The following CCDC85A variants were observed in gnomAD, a reference collection of about 807,000 sequenced individuals.
CCDC85A encodes coiled-coil domain-containing protein 85A.
A neutral mutation model predicts 50.2 loss-of-function variants in CCDC85A; 38 were observed. The ratio of observed to expected loss-of-function variants is 0.76; its 90% CI spans 0.58 to 0.99. The LOEUF (loss-of-function observed/expected upper bound fraction) is 0.99, where lower values mean the gene tolerates loss of function less well. CCDC85A is among the 50% of genes least tolerant of loss of function. The probability of loss-of-function intolerance (pLI) is 0.00; values close to 1 mark genes in which losing one functional copy is unlikely to be tolerated. For missense variants in CCDC85A, 820 were observed against 742.0 expected, an observed-to-expected ratio of 1.11 and a Z score of -1.22; for synonymous variants, 366 against 301.4, an observed-to-expected ratio of 1.21 and a Z score of -2.22.
At chr2:56,196,102 G>A (rs1676509455) in intron 2 of CCDC85A, among the ~76,000 whole-genome samples, 1 of 152,140 alleles carries the variant, frequency 6.6e-6, no homozygotes, top group Non-Finnish European at 1.5e-5. Context: ...TTTTGGGAAT[G>A]CAAAGATAAA....
At chr2:56,315,674 G>T (rs1287777131) in intron 2 of CCDC85A, among the ~76,000 whole-genome samples, 1 of 152,124 alleles carries the variant, frequency 6.6e-6, no homozygotes, top group East Asian at 1.9e-4. Context: ...GGCTGATTTA[G>T]TCAGTGGGGG....
intron 2 of CCDC85A, among the ~76,000 whole-genome samples, chr2:56,308,342 A>G (rs1444407132): frequency 6.6e-6 from 1 of 152,180 alleles, no homozygotes; most frequent in Non-Finnish European, 1.5e-5. Context: ...ACGTTCATCA[A>G]CAAATTTATC....
chr2:56,363,104 C>A (rs1265350753), intron 3 of CCDC85A, among the ~76,000 whole-genome samples: 1 of 152,094 alleles, frequency 6.6e-6, no homozygotes, highest in Admixed American at 6.6e-5. Context: ...TGTTTTCCAT[C>A]GTATTTTTTT....
At chr2:56,352,896 T>C (rs1212046266) in intron 3 of CCDC85A, among the ~76,000 whole-genome samples, 1 of 152,148 alleles carries the variant, frequency 6.6e-6, no homozygotes, top group African/African-American at 2.4e-5. Context: ...ATATAGCTTG[T>C]CTATAAAAGA....
intron 1 of CCDC85A, among the ~76,000 whole-genome samples, chr2:56,191,640 AG>A (rs1293389222): frequency 6.6e-6 from 1 of 152,254 alleles, no homozygotes; most frequent in Non-Finnish European, 1.5e-5. Context: ...GTTCATATAA[AG>A]AACAGTGGAA....
chr2:56,193,288 A>G lies in CCDC85A; in HGVS notation c.1088A>G (p.Lys363Arg). The change falls in exon 2 of 6, where the codon AAA becomes AGA. Residue 363 changes from lysine (K) to arginine (R), a missense_variant. By Grantham distance (26) the Lys-to-Arg change is conservative (BLOSUM62 2). Transcript: ENST00000407595. ...RARGTSPEHL[K>R]QHYGGSPDHK... Reference sequence around the variant, plus strand: ...AGGGGCACCAGCCCGGAGCACCTCAAACAACATTATGGAGGGAGCCCTGAT... The same window carrying G: ...AGGGGCACCAGCCCGGAGCACCTCAGACAACATTATGGAGGGAGCCCTGAT... 6.2e-7 allele frequency: 1 copy of G among 1,613,888 alleles called. No homozygotes were observed. The highest frequency in any genetic ancestry group is 8.5e-7 in the Non-Finnish European group (1 of 1,179,852).
At chr2:56,264,409 C>T (rs973017705) in intron 2 of CCDC85A, among the ~76,000 whole-genome samples, 4 of 152,160 alleles carry the variant, frequency 2.6e-5, no homozygotes, top group Admixed American at 2.0e-4. Context: ...ACTTCTAAGA[C>T]CAGGATCCTA....
chr2:56,275,915 G>C (rs1313900373), intron 2 of CCDC85A, among the ~76,000 whole-genome samples: 2 of 152,130 alleles, frequency 1.3e-5, no homozygotes, highest in South Asian at 2.1e-4. Context: ...TGGTATTTTT[G>C]TAGGTCCCTT....
At chr2:56,371,536 T>C (rs1172342625) in intron 3 of CCDC85A, among the ~76,000 whole-genome samples, 2 of 152,062 alleles carry the variant, frequency 1.3e-5, no homozygotes, top group African/African-American at 2.4e-5. Flanking sequence ...TATTTTCTTA[T>C]TCCTTGGGAC....
At chr2:56,266,771 G>A (rs879671696) in intron 2 of CCDC85A, among the ~76,000 whole-genome samples, 9 of 152,138 alleles carry the variant, frequency 5.9e-5, no homozygotes, top group African/African-American at 1.9e-4. Flanking sequence ...TCCCTGTGGC[G>A]TCTATTGTTG....
intron 2 of CCDC85A, among the ~76,000 whole-genome samples, chr2:56,324,642 G>A (rs2104273213): frequency 6.6e-6 from 1 of 152,162 alleles, no homozygotes; most frequent in South Asian, 2.1e-4. Flanking sequence ...AAAGGGGAAT[G>A]TTTTTGTTGT....
intron 5 of CCDC85A, among the ~76,000 whole-genome samples, chr2:56,382,023 C>A (rs1351198888): frequency 6.6e-6 from 1 of 151,832 alleles, no homozygotes; most frequent in African/African-American, 2.4e-5. Flanking sequence ...CTTTGATCCC[C>A]AGAATTTGAG....
At chr2:56,204,457 T>A (rs1356233443) in intron 2 of CCDC85A, among the ~76,000 whole-genome samples, 1 of 152,180 alleles carries the variant, frequency 6.6e-6, no homozygotes, top group African/African-American at 2.4e-5. Flanking sequence ...TTGATAAACA[T>A]AAAAGCCACA....
Position 56,372,339 on chromosome 2 carries a change from A to T in CCDC85A, c.1318-5A>T. The stretch of plus-strand genomic sequence containing the variant: ...GTGATTGTACCATATTGTTCCAAAT[A>T]TAAGGCCAGCCAGAATAGAAGGCAA... On this transcript the variant is annotated splice_region_variant and splice_polypyrimidine_tract_variant and intron_variant, in intron 3 of 5. Coordinates refer to ENST00000407595, the MANE Select transcript of CCDC85A (RefSeq NM_001080433.2). The T allele has an allele frequency of 6.4e-7, 1 of 1,565,746 alleles. No individual in the cohort carries two copies. Among genetic ancestry groups the T allele is most frequent in the Non-Finnish European group, 8.7e-7 (1 of 1,154,820 alleles).
At chr2:56,222,690 C>T (rs140834591) in intron 2 of CCDC85A, among the ~76,000 whole-genome samples, 507 of 152,174 alleles carry the variant, frequency 3.3e-3, no homozygotes, top group Non-Finnish European at 5.7e-3. Context: ...TTTTCCCACC[C>T]GTTGATAACA....
At chr2:56,245,352 C>T (rs1382462865) in intron 2 of CCDC85A, among the ~76,000 whole-genome samples, 1 of 152,238 alleles carries the variant, frequency 6.6e-6, no homozygotes, top group African/African-American at 2.4e-5. Flanking sequence ...TTCCAAAATC[C>T]TGCAGTTGCC....
Position 56,184,920 on chromosome 2 carries a change from G to GGAGGC in CCDC85A, c.276+22_276+26dup. ...CTCAAGGTGAGCGCGGGCCAGGTGG[G>GGAGGC]GAGGCGCGGCGCGGCTGGGAGCGGG... is the stretch of plus-strand genomic sequence containing the variant. On this transcript the variant is annotated intron_variant, in intron 1 of 5. Transcript: ENST00000407595. 6.8e-7 allele frequency: 1 copy of GGAGGC among 1,464,108 alleles called. No homozygotes were observed. The highest frequency in any genetic ancestry group is 1.5e-5 in the African/African-American group (1 of 68,284). The allele number at this position is 1,464,108 out of a possible 1,614,324, so 90.7% of individuals were successfully genotyped here. A position where few individuals can be genotyped will look rare whatever the true frequency, so the allele number is the denominator to read the frequency against.
At position 56,359,128 on chromosome 2, in the gene CCDC85A, C is replaced by T. The variant is rs571697254; in HGVS notation, c.1318-13216C>T. Among the ~76,000 whole-genome samples, 13 of 152,194 alleles carry T rather than the reference C, an allele frequency of 8.5e-5. No homozygotes were observed. The South Asian group carries it at 2.5e-3, about 29-fold the overall frequency. On this transcript the variant is annotated intron_variant, in intron 3 of 5. Transcript: ENST00000407595. ...TACATAAAGACTTTATACAAATGCT[C>T]TTCCTAATATTTGCTACTTATTTTT... is the stretch of plus-strand genomic sequence containing the variant.
At chr2:56,364,470 C>T (rs191576404) in intron 3 of CCDC85A, among the ~76,000 whole-genome samples, 2 of 152,290 alleles carry the variant, frequency 1.3e-5, no homozygotes, top group Admixed American at 1.3e-4. Flanking sequence ...GTGAGCACTG[C>T]ATGAAGTTAA....
Sources: gnomAD v4.1 joint callset for allele counts (sites outside exome capture counted in the v4.1 genomes callset) on GRCh38, gnomAD v4.1.1 for gene constraint, MANE v1.5 for transcripts, NCBI Gene and HGNC (gene_info 2026-07-23, HGNC 2026-07-21) for gene names.